Variants in KCNIP1 observed in about 807,000 individuals in gnomAD.
KCNIP1 encodes the protein A-type potassium channel modulatory protein KCNIP1.
In KCNIP1, 18 loss-of-function variants were observed where a neutral mutation model predicts 33.0. The observed-to-expected ratio is 0.55, with a 90% CI of 0.38 to 0.81. The LOEUF is 0.81. KCNIP1 is among the 30% of genes least tolerant of loss of function. KCNIP1 has a pLI of 0.00. For synonymous variants in KCNIP1, 93 were observed against 98.3 expected, an observed-to-expected ratio of 0.95 and a Z score of 0.32; for missense variants, 238 against 271.6, an observed-to-expected ratio of 0.88 and a Z score of 0.87.
chr5:170,562,129 G>A (rs1453051673), intron 1 of KCNIP1, among the ~76,000 whole-genome samples: 1 of 152,212 alleles, frequency 6.6e-6, no homozygotes, highest in Non-Finnish European at 1.5e-5. Context: ...TGTTTAGATG[G>A]AAGCAAAGAA....
At chr5:170,400,692 T>G (rs1333351395) in intron 1 of KCNIP1, among the ~76,000 whole-genome samples, 2 of 152,202 alleles carry the variant, frequency 1.3e-5, no homozygotes, top group African/African-American at 4.8e-5. Context: ...TATCCTAATT[T>G]TATAGATGGG....
At chr5:170,414,415 A>G (rs1309206129) in intron 1 of KCNIP1, among the ~76,000 whole-genome samples, 2 of 152,240 alleles carry the variant, frequency 1.3e-5, no homozygotes, top group Non-Finnish European at 2.9e-5. Flanking sequence ...GTTTTGGCCA[A>G]TCAAATGTGG....
chr5:170,653,748 T>A (rs576080986), intron 1 of KCNIP1, among the ~76,000 whole-genome samples: 2 of 151,548 alleles, frequency 1.3e-5, no homozygotes, highest in Non-Finnish European at 2.9e-5. Flanking sequence ...TTTTCCAATA[T>A]CCATGGCAGA....
intron 1 of KCNIP1, among the ~76,000 whole-genome samples, chr5:170,586,789 T>C (rs956187317): frequency 6.6e-6 from 1 of 152,176 alleles, no homozygotes; most frequent in Non-Finnish European, 1.5e-5. Context: ...GAGAGCAGAG[T>C]TGTACACTTC....
At chr5:170,586,306 C>T (rs1191078909) in intron 1 of KCNIP1, among the ~76,000 whole-genome samples, 1 of 152,114 alleles carries the variant, frequency 6.6e-6, no homozygotes, top group Non-Finnish European at 1.5e-5. Context: ...CTTCCCAGTA[C>T]CTTGCATATA....
At chr5:170,497,868 C>T (rs984536029) in intron 1 of KCNIP1, among the ~76,000 whole-genome samples, 2 of 152,248 alleles carry the variant, frequency 1.3e-5, no homozygotes, top group Non-Finnish European at 2.9e-5. Context: ...TGTCTGAACT[C>T]ATCTCAGCTC....
intron 1 of KCNIP1, among the ~76,000 whole-genome samples, chr5:170,655,441 A>T (rs1237946142): frequency 6.6e-6 from 1 of 152,192 alleles, no homozygotes; most frequent in Non-Finnish European, 1.5e-5. Context: ...CCCGGATCCC[A>T]TTTTGCTCTG....
chr5:170,599,805 G>A (rs1472702801), intron 1 of KCNIP1, among the ~76,000 whole-genome samples: 3 of 152,216 alleles, frequency 2.0e-5, no homozygotes, highest in African/African-American at 7.2e-5. Context: ...ACTTATGGGA[G>A]GTATTTCAGT....
At chr5:170,696,188 A>G (rs1029701140) in intron 1 of KCNIP1, among the ~76,000 whole-genome samples, 1 of 151,836 alleles carries the variant, frequency 6.6e-6, no homozygotes, top group African/African-American at 2.4e-5. Flanking sequence ...TTTTTCCTTC[A>G]TACACTTCCC....
At chr5:170,710,550 T>C (rs1296163431) in intron 1 of KCNIP1, among the ~76,000 whole-genome samples, 1 of 152,212 alleles carries the variant, frequency 6.6e-6, no homozygotes, top group Non-Finnish European at 1.5e-5. Flanking sequence ...ATAAAAAATG[T>C]GTTACCTATC....
intron 4 of KCNIP1, 93 bp downstream of exon 4, chr5:170,721,996 C>A: frequency 1.4e-6 from 2 of 1,405,160 alleles, no homozygotes; most frequent in Non-Finnish European, 2.0e-6. Flanking sequence ...TCTGGACCAT[C>A]AAAAGCTCTC....
chr5:170,407,149 C>T (rs556358617), intron 1 of KCNIP1, among the ~76,000 whole-genome samples: 1 of 152,334 alleles, frequency 6.6e-6, no homozygotes, highest in East Asian at 1.9e-4. Context: ...CCTTGCCTGT[C>T]CACACCACGG....
chr5:170,373,772 G>A (rs951468461), intron 1 of KCNIP1, among the ~76,000 whole-genome samples: 1 of 152,146 alleles, frequency 6.6e-6, no homozygotes, highest in African/African-American at 2.4e-5. Flanking sequence ...ACATTCCATT[G>A]CACTCTCATA....
chr5:170,398,819 GTAAACTTTCT>G (rs1754824269), intron 1 of KCNIP1, among the ~76,000 whole-genome samples: 1 of 152,140 alleles, frequency 6.6e-6, no homozygotes, highest in Non-Finnish European at 1.5e-5. Context: ...AGGTTATTCT[GTAAACTTTCT>G]TTGCTGAGCC....
chr5:170,355,082 G>A (rs1228655182), intron 1 of KCNIP1, among the ~76,000 whole-genome samples: 1 of 152,232 alleles, frequency 6.6e-6, no homozygotes, highest in Non-Finnish European at 1.5e-5. Flanking sequence ...ACGTTGTGTG[G>A]CATGTGTGGG....
chr5:170,469,202 C>T (rs983557496), intron 1 of KCNIP1, among the ~76,000 whole-genome samples: 1 of 152,048 alleles, frequency 6.6e-6, no homozygotes, highest in Non-Finnish European at 1.5e-5. Context: ...CAAGATCAGC[C>T]TGGGCAACAT....
chr5:170,357,075 A>C (rs556889603), intron 1 of KCNIP1, among the ~76,000 whole-genome samples: 1 of 151,370 alleles, frequency 6.6e-6, no homozygotes, highest in African/African-American at 2.4e-5. Context: ...CTCTGGCTCT[A>C]TTTTTATTTG....
chr5:170,710,078 G>C (rs1363178905), intron 1 of KCNIP1, among the ~76,000 whole-genome samples: 1 of 152,154 alleles, frequency 6.6e-6, no homozygotes, highest in East Asian at 1.9e-4. Context: ...ATGTTGGCCA[G>C]GTTGGTCTCG....
intron 1 of KCNIP1, among the ~76,000 whole-genome samples, chr5:170,492,074 C>A (rs527408380): frequency 6.6e-6 from 1 of 152,188 alleles, no homozygotes; most frequent in Non-Finnish European, 1.5e-5. Flanking sequence ...CCAGTTCTGA[C>A]ACTAACTATC....
Sources: gnomAD v4.1 joint callset for allele counts (sites outside exome capture counted in the v4.1 genomes callset) on GRCh38, gnomAD v4.1.1 for gene constraint, MANE v1.5 for transcripts, NCBI Gene and HGNC (gene_info 2026-07-23, HGNC 2026-07-21) for gene names.